ZSCAN10: variants seen among roughly 807,000 people sequenced by gnomAD.
The protein encoded by ZSCAN10 is zinc finger and SCAN domain-containing protein 10.
Under a neutral mutation model 63.7 loss-of-function variants are expected in ZSCAN10, and 52 were observed. The ratio of observed to expected loss-of-function variants is 0.82; its 90% CI spans 0.65 to 1.03. The LOEUF (loss-of-function observed/expected upper bound fraction) is 1.03. Ranked by LOEUF, ZSCAN10 falls within the 50% of genes least tolerant of loss-of-function variation. ZSCAN10 has a pLI of 0.00. For missense variants in ZSCAN10, 1,223 were observed against 1,103.8 expected (o/e 1.11, Z -1.53); for synonymous variants, 544 against 479.6 (o/e 1.13, Z -1.76).
chr16:3,091,808 A>C lies in ZSCAN10; in HGVS notation c.685T>G (p.Trp229Gly). The C allele has an allele frequency of 6.4e-7, 1 of 1,572,860 alleles. No individual in the cohort carries two copies. The highest frequency in any genetic ancestry group is 8.6e-7 in the Non-Finnish European group (1 of 1,158,934). The change falls in exon 4 of 6, where the codon TGG becomes GGG. Residue 229 changes from tryptophan (W) to glycine (G), a missense_variant. Trp to Gly is a radical substitution (Grantham distance 184). Coordinates refer to ENST00000576985, the MANE Select transcript of ZSCAN10 (RefSeq NM_032805.3). ...QESSPQGPSP[W>G]PEESSRDQEL... ...TGATCTCGGGAACTCTCCTCTGGCC[A>C]TGGTGAGGGGCCCTGGGGACCTGAC...
In ZSCAN10 at chr16:3,089,649, G is replaced by A; in HGVS notation, c.1785C>T (p.Arg595=). The change falls in exon 6 of 6, where the codon CGC becomes CGT. Residue 595 remains arginine, a synonymous_variant. Transcript: ENST00000576985. ...KRFVRRASLA[R]HLLTHGGPRP... ...GAGGGCCACCGTGGGTCAGCAGGTG[G>A]CGGGCAAGGCTGGCCCGGCGCACAA... is the stretch of plus-strand genomic sequence containing the variant. The A allele has an allele frequency of 6.3e-7, 1 of 1,590,468 alleles. No individual in the cohort carries two copies. The highest frequency in any genetic ancestry group is 8.6e-7 in the Non-Finnish European group (1 of 1,168,526).
At chr16:3,093,949 T>G (rs7184375) in intron 1 of ZSCAN10, among the ~76,000 whole-genome samples, 79,490 of 151,898 alleles carry the variant, frequency 0.52, 21,546 homozygotes, top group African/African-American at 0.67. Context: ...GTCTCCCAAA[T>G]TGCTGAGATT....
Position 3,092,879 on chromosome 16 carries a change from A to C in ZSCAN10, c.59T>G (p.Leu20Arg), listed in dbSNP as rs180815754. The C allele has an allele frequency of 5.4e-4, 778 of 1,443,508 alleles. 7 individuals carry two copies. The African/African-American group carries it at 0.01, about 19-fold the overall frequency. The allele number at this position is 1,443,508 out of a possible 1,614,324, so 89.4% of individuals were successfully genotyped here. A position where few individuals can be genotyped will look rare whatever the true frequency, so the allele number is the denominator to read the frequency against. Residue 20 changes from leucine to arginine, a missense_variant, in exon 2 of 6, where the codon CTG (leucine) becomes CGG (arginine). Leu to Arg is a moderately radical substitution (Grantham distance 102, BLOSUM62 -2). Coordinates refer to ENST00000576985, the MANE Select transcript of ZSCAN10 (RefSeq NM_032805.3). ...TGGGCTGACAGCCTCCTCCTCCTCC[A>C]GCTTGACTTCCCCCAGCTGCTCCTG... ...VEQEQLGEVK[L>R]EEEEAVSPED...
At position 3,089,335 on chromosome 16, in the gene ZSCAN10, C is replaced by T; in HGVS notation, c.2099G>A (p.Arg700Gln). The change falls in exon 6 of 6, where the codon CGG becomes CAG. Residue 700 changes from arginine (R) to glutamine (Q), a missense_variant. Physicochemically the swap from Arg to Gln is conservative, Grantham distance 43. Transcript: ENST00000576985. ...YSCQTCGRSFRRNAHLRRHLA... is the reference protein window; with the variant it reads ...YSCQTCGRSFQRNAHLRRHLA... ...GTGCCGCCGCAGATGCGCGTTGCGC[C>T]GGAAGCTGCGACCGCACGTCTGACA... The T allele has an allele frequency of 1.3e-6, 2 of 1,587,834 alleles. No individual in the cohort carries two copies. Among genetic ancestry groups the T allele is most frequent in the Non-Finnish European group, 1.7e-6 (2 of 1,173,060 alleles).
At chr16:3,096,444 C>T (rs1489604691) in intron 1 of ZSCAN10, 1 of 152,448 alleles carries the variant, frequency 6.6e-6, no homozygotes, top group African/African-American at 2.4e-5. Context: ...CCACTCCACT[C>T]ACCTGAATGG....
Position 3,092,199 on chromosome 16 carries a change from G to A in ZSCAN10, c.514C>T (p.Pro172Ser), listed in dbSNP as rs201658485. Reference protein sequence around the residue: ...SPKKELPAEEPSVLGPSDEPP... With the variant: ...SPKKELPAEESSVLGPSDEPP... ...TCATCCGATGGGCCCAGCACTGAAGGCTCTTCCGCAGGCAATTCCTTCTTG... is the reference window on the plus strand; with the variant it reads ...TCATCCGATGGGCCCAGCACTGAAGACTCTTCCGCAGGCAATTCCTTCTTG... Residue 172 changes from proline to serine, a missense_variant, in exon 3 of 6, where the codon CCT becomes TCT. Pro to Ser is a moderately conservative substitution (Grantham distance 74). Coordinates refer to ENST00000576985, the MANE Select transcript of ZSCAN10 (RefSeq NM_032805.3). The A allele has an allele frequency of 9.3e-6, 15 of 1,612,576 alleles. No individual in the cohort carries two copies. The highest frequency in any genetic ancestry group is 1.3e-5 in the African/African-American group (1 of 75,068).
intron 1 of ZSCAN10, among the ~76,000 whole-genome samples, chr16:3,096,127 G>C (rs924932084): frequency 9.8e-5 from 15 of 152,348 alleles, no homozygotes; most frequent in Admixed American, 7.2e-4. Context: ...ACTACCCATG[G>C]GGAACCTCCG....
chr16:3,092,568 G>T lies in ZSCAN10; in HGVS notation c.370C>A (p.Arg124=), dbSNP rs543656828. 23 of 1,559,804 alleles carry T rather than the reference G, an allele frequency of 1.5e-5. 1 individual carries two copies. In the South Asian group the frequency reaches 2.5e-4, roughly 17 times the overall value. Residue 124 remains arginine (R), a synonymous_variant, in exon 2 of 6, where the codon CGG becomes AGG. Coordinates refer to ENST00000576985, the MANE Select transcript of ZSCAN10 (RefSeq NM_032805.3). The part of the protein sequence containing the change: ...EVVLLLEGIH[R]EPSHAGPLDF... ...AGCGGCCCCGCGTGGCTGGGCTCCC[G>T]GTGGATGCCCTCGAGCAGCAGCACC...
Position 3,092,742 on chromosome 16 carries a change from G to A in ZSCAN10, c.196C>T (p.Arg66Trp), listed in dbSNP as rs1401335026. The change falls in exon 2 of 6, where the codon CGG (arginine) becomes TGG (tryptophan). Residue 66 changes from arginine (R) to tryptophan (W), a missense_variant. Transcript: ENST00000576985. ...CGCAGCCAGTGGCCGCAGAGCTCCC[G>A]GAGCCGGCTCAGGGACGCCCGTGGC... Reference protein sequence around the residue: ...MGPRASLSRLRELCGHWLRPA... With the variant: ...MGPRASLSRLWELCGHWLRPA... 7 of 1,612,064 alleles carry A rather than the reference G, an allele frequency of 4.3e-6. No individual in the cohort carries two copies. Among genetic ancestry groups the A allele is most frequent in the African/African-American group, 2.7e-5 (2 of 74,912 alleles).
chr16:3,089,278 T>C lies in ZSCAN10; in HGVS notation c.2156A>G (p.Gln719Arg). The C allele has an allele frequency of 6.4e-7, 1 of 1,565,240 alleles. No homozygotes were observed. Among genetic ancestry groups the C allele is most frequent in the Non-Finnish European group, 8.6e-7 (1 of 1,163,968 alleles). Residue 719 changes from glutamine (Q) to arginine (R), a missense_variant, in exon 6 of 6, where the codon CAG becomes CGG. Gln to Arg is a conservative substitution (Grantham distance 43). Coordinates refer to ENST00000576985, the MANE Select transcript of ZSCAN10 (RefSeq NM_032805.3). ...LATHAEPGQE[Q>R]AEPPQECVEC... ...CACGCACTCCTGCGGGGGCTCGGCC[T>C]GCTCCTGCCCGGGCTCCGCATGGGT... is the stretch of plus-strand genomic sequence containing the variant.
intron 1 of ZSCAN10, among the ~76,000 whole-genome samples, chr16:3,095,865 G>GTGGCTGGC (rs1957147948): frequency 6.6e-6 from 1 of 151,610 alleles, no homozygotes; most frequent in Non-Finnish European, 1.5e-5. Flanking sequence ...TCATGGTTGT[G>GTGGCTGGC]TATACCTGTG....
At chr16:3,097,139 G>A (rs1596289808) in intron 1 of ZSCAN10, among the ~76,000 whole-genome samples, 1 of 151,702 alleles carries the variant, frequency 6.6e-6, no homozygotes, top group East Asian at 1.9e-4. Context: ...GCCTCTCCCT[G>A]GTAACGATGG....
rs199998276 is a variant in ZSCAN10, at chr16:3,092,171, G to C, written c.542C>G (p.Pro181Arg). The C allele has an allele frequency of 4.3e-6, 7 of 1,613,134 alleles. No homozygotes were observed. The East Asian group carries it at 1.6e-4, about 36-fold the overall frequency. ...GGCAGCCCTTGGCTGGGGTCGGGGA[G>C]GCTCATCCGATGGGCCCAGCACTGA... ...EPSVLGPSDE[P>R]PRPQPRAAQP... The change falls in exon 3 of 6, where the codon CCT becomes CGT. Residue 181 changes from proline to arginine, a missense_variant. Physicochemically the swap from Pro to Arg is moderately radical, Grantham distance 103. Coordinates refer to ENST00000576985, the MANE Select transcript of ZSCAN10 (RefSeq NM_032805.3).
chr16:3,094,592 G>A lies in ZSCAN10; in HGVS notation c.-67-1588C>T, dbSNP rs182238585. ...ACTCTTAACCTCAGGTGATCCGCCCGCTTCGGTCTCCCAAAGTACTGGGAT... is the reference window on the plus strand; with the variant it reads ...ACTCTTAACCTCAGGTGATCCGCCCACTTCGGTCTCCCAAAGTACTGGGAT... On this transcript the variant is annotated intron_variant, in intron 1 of 5. Transcript: ENST00000576985. 1.7e-3 allele frequency among the ~76,000 whole-genome samples: 255 copies of A among 152,262 alleles called. 1 individual carries two copies. The highest frequency in any genetic ancestry group is 6.0e-3 in the African/African-American group (248 of 41,540).
intron 5 of ZSCAN10, 34 bp downstream of exon 5, chr16:3,091,506 T>G (rs1298503850): frequency 2.5e-6 from 4 of 1,610,044 alleles, no homozygotes. Context: ...GAAAGAGGCA[T>G]CAGTGGTCAC....
rs1418588546 is a variant in ZSCAN10 at position 3,093,022 on chromosome 16, C to T, written c.-67-18G>A. 7.4e-7 allele frequency: 1 copy of T among 1,360,208 alleles called. No homozygotes were observed. Among genetic ancestry groups the T allele is most frequent in the African/African-American group, 1.5e-5 (1 of 67,408 alleles). 84.3% of individuals were successfully genotyped at this position (1,360,208 alleles called of 1,614,324 possible). ...TCCCACACCTGCGAAGGTGAACACC[C>T]TGGGTTAGGATCTGCTGCGAGGAAG... is the stretch of plus-strand genomic sequence containing the variant. On this transcript the variant is annotated intron_variant, in intron 1 of 5. Transcript: ENST00000576985.
At chr16:3,092,468 C>G in intron 2 of ZSCAN10, 74 bp downstream of exon 2, 5 of 1,457,274 alleles carry the variant, frequency 3.4e-6, no homozygotes, top group Non-Finnish European at 3.6e-6. Context: ...AGTGAAGTTT[C>G]CAGAGATTCC....
At chr16:3,092,481 A>T in intron 2 of ZSCAN10, 61 bp downstream of exon 2, 1 of 1,455,466 alleles carries the variant, frequency 6.9e-7, no homozygotes, top group Non-Finnish European at 9.1e-7. Context: ...GAGATTCCTC[A>T]CTGGGGGGAT....
intron 1 of ZSCAN10, among the ~76,000 whole-genome samples, chr16:3,095,597 C>T (rs545185457): frequency 7.3e-5 from 11 of 151,010 alleles, no homozygotes; most frequent in African/African-American, 2.2e-4. Flanking sequence ...TTTGGGAGGC[C>T]GAGGGTGGAT....
Sources: gnomAD v4.1 joint callset for allele counts (sites outside exome capture counted in the v4.1 genomes callset) on GRCh38, gnomAD v4.1.1 for gene constraint, MANE v1.5 for transcripts, NCBI Gene and HGNC (gene_info 2026-07-23, HGNC 2026-07-21) for gene names.